The following PRKAG2 variants were observed in gnomAD, a reference collection of about 807,000 sequenced individuals.
PRKAG2 encodes the protein 5'-AMP-activated protein kinase subunit gamma-2.
PRKAG2 carries 26 observed loss-of-function variants against 69.6 expected under a neutral mutation model. That is an observed-to-expected ratio of 0.37 (90% CI 0.27 to 0.52). The LOEUF (loss-of-function observed/expected upper bound fraction) is 0.52. Among genes scored for constraint, PRKAG2 ranks in the 20% least tolerant of loss-of-function variants. The pLI is 0.90. For synonymous variants in PRKAG2, 293 were observed against 285.0 expected, an observed-to-expected ratio of 1.03 and a Z score of -0.28; for missense variants, 557 against 740.0, an observed-to-expected ratio of 0.75 and a Z score of 2.87.
At chr7:151,572,277 G>GA (rs1807753248) in intron 9 of PRKAG2, 1 of 162,054 alleles carries the variant, frequency 6.2e-6, no homozygotes, top group Admixed American at 6.3e-5. Context: ...ACAGATGCTT[G>GA]CTTTGGTTCA....
intron 3 of PRKAG2, among the ~76,000 whole-genome samples, chr7:151,696,009 G>A (rs959248064): frequency 7.9e-5 from 12 of 152,124 alleles, no homozygotes; most frequent in Non-Finnish European, 1.5e-4. Context: ...CCGAGGGGGC[G>A]GGCCTGATGC....
intron 4 of PRKAG2, among the ~76,000 whole-genome samples, chr7:151,669,303 A>T (rs1237748672): frequency 3.3e-5 from 5 of 152,096 alleles, no homozygotes; most frequent in African/African-American, 1.2e-4. Flanking sequence ...TCATCAACTC[A>T]CATTACATGG....
At chr7:151,644,675 G>T (rs1217186826) in intron 4 of PRKAG2, among the ~76,000 whole-genome samples, 1 of 152,184 alleles carries the variant, frequency 6.6e-6, no homozygotes, top group Non-Finnish European at 1.5e-5. Flanking sequence ...GTAGGAACAT[G>T]CTTTCATTTC....
rs1423158440 is a variant in PRKAG2, at chr7:151,855,056, A to AC, written c.114+21450dup. 6.8e-4 allele frequency among the ~76,000 whole-genome samples: 34 copies of AC among 49,878 alleles called. 1 individual carries two copies. The highest frequency in any genetic ancestry group is 1.3e-3 in the South Asian group (2 of 1,538). The allele number at this position is 49,878 out of a possible 152,430, so 32.7% of individuals were successfully genotyped here. A position where few individuals can be genotyped will look rare whatever the true frequency, so the allele number is the denominator to read the frequency against. ...GCTCCACACACACCGCCCTCCACAC[A>AC]CACCATCCTCCACACACACCATCCT... On this transcript the variant is annotated intron_variant, in intron 1 of 15. Coordinates refer to ENST00000287878, the MANE Select transcript of PRKAG2 (RefSeq NM_016203.4).
Position 151,814,545 on chromosome 7 carries a change from C to A in PRKAG2, c.115-28004G>T. On this transcript the variant is annotated intron_variant, in intron 1 of 15. Coordinates refer to ENST00000287878, the MANE Select transcript of PRKAG2 (RefSeq NM_016203.4). The surrounding 1 kb of genome is among the most constrained non-coding windows in gnomAD (Gnocchi z 4.8). ...CTCCCAGCTCTGACAAATCCTGCTG[C>A]CTCACTCGAAAGGTCCATCAGAGAA... is the stretch of plus-strand genomic sequence containing the variant. 8.1e-7 allele frequency: 1 copy of A among 1,231,646 alleles called. No individual in the cohort carries two copies. Among genetic ancestry groups the A allele is most frequent in the Non-Finnish European group, 1.0e-6 (1 of 987,994 alleles). 76.3% of individuals were successfully genotyped at this position (1,231,646 alleles called of 1,614,324 possible).
At chr7:151,572,299 CCTCTGATGCATTT>C in intron 9 of PRKAG2, 1 of 168,886 alleles carries the variant, frequency 5.9e-6, no homozygotes, top group Non-Finnish European at 1.3e-5. Context: ...GTTAGGCATG[CCTCTGATGCATTT>C]CTTAATACCA....
In PRKAG2 at chr7:151,703,176, A is replaced by G. The variant is rs1314620324; in HGVS notation, c.467-27539T>C. On this transcript the variant is annotated intron_variant, in intron 3 of 15. Transcript: ENST00000287878. ...AAGGCCATGATGGCTTCTCTGACTC[A>G]CTCATCAGCGCGCGCGAAGCAAAGA... is the stretch of plus-strand genomic sequence containing the variant. Among the ~76,000 whole-genome samples the G allele has an allele frequency of 5.3e-5, 8 of 151,786 alleles. No homozygotes were observed. The South Asian group carries it at 6.2e-4, about 12-fold the overall frequency.
chr7:151,670,006 GTGCACACACCTGCA>G (rs1159829967), intron 4 of PRKAG2, among the ~76,000 whole-genome samples: 1 of 80,894 alleles, frequency 1.2e-5, no homozygotes. Context: ...ATACACACCT[GTGCACACACCTGCA>G]TGCACACACA....
At chr7:151,627,107 C>G (rs1009850625) in intron 5 of PRKAG2, among the ~76,000 whole-genome samples, 1 of 152,082 alleles carries the variant, frequency 6.6e-6, no homozygotes, top group Non-Finnish European at 1.5e-5. Context: ...GTGCCGGCCC[C>G]CTGGTTTTAT....
In PRKAG2 at chr7:151,645,388, C is replaced by T. The variant is rs974043701; in HGVS notation, c.685-13250G>A. On this transcript the variant is annotated intron_variant, in intron 4 of 15. Coordinates refer to ENST00000287878, the MANE Select transcript of PRKAG2 (RefSeq NM_016203.4). Reference sequence around the variant, plus strand: ...ATGAGCTTGGAAAGGGATCCTTCCCCAGCTGAGCCTTCGGATGAGACCCTG... The same window carrying T: ...ATGAGCTTGGAAAGGGATCCTTCCCTAGCTGAGCCTTCGGATGAGACCCTG... Among the ~76,000 whole-genome samples the T allele has an allele frequency of 2.6e-5, 4 of 152,258 alleles. No individual in the cohort carries two copies. The South Asian group carries it at 6.2e-4, about 24-fold the overall frequency.
At chr7:151,680,942 G>C (rs900589279) in intron 3 of PRKAG2, among the ~76,000 whole-genome samples, 13 of 152,218 alleles carry the variant, frequency 8.5e-5, no homozygotes, top group Non-Finnish European at 1.5e-4. Context: ...TGTTGTGCAA[G>C]GGATGTTCAC....
At chr7:151,819,744 C>G (rs1005261105) in intron 1 of PRKAG2, among the ~76,000 whole-genome samples, 3 of 105,824 alleles carry the variant, frequency 2.8e-5, no homozygotes, top group African/African-American at 1.0e-4. Flanking sequence ...CTGCCTGGAG[C>G]CTTACGGGTG....
chr7:151,835,136 A>G lies in PRKAG2; in HGVS notation c.114+41371T>C, dbSNP rs974098745. Among the ~76,000 whole-genome samples the G allele has an allele frequency of 6.6e-6, 1 of 152,172 alleles. No homozygotes were observed. Among genetic ancestry groups the G allele is most frequent in the South Asian group, 2.1e-4 (1 of 4,836 alleles). On this transcript the variant is annotated intron_variant, in intron 1 of 15. Coordinates refer to ENST00000287878, the MANE Select transcript of PRKAG2 (RefSeq NM_016203.4). The surrounding 1 kb of genome is among the most constrained non-coding windows in gnomAD (Gnocchi z 4.1). Reference sequence around the variant, plus strand: ...TGTTTCCAAAAGAGGTCACATTCACAGGTACAGAGGGTTAGGATTTGGACA... The same window carrying G: ...TGTTTCCAAAAGAGGTCACATTCACGGGTACAGAGGGTTAGGATTTGGACA...
intron 3 of PRKAG2, among the ~76,000 whole-genome samples, chr7:151,760,446 C>A (rs2075346688): frequency 6.6e-6 from 1 of 152,120 alleles, no homozygotes; most frequent in Non-Finnish European, 1.5e-5. Context: ...GTTGGCCAGG[C>A]TGGTCTCGAA....
At chr7:151,619,052 T>C (rs1820860051) in intron 5 of PRKAG2, among the ~76,000 whole-genome samples, 1 of 152,104 alleles carries the variant, frequency 6.6e-6, no homozygotes, top group African/African-American at 2.4e-5. Flanking sequence ...CAAGGCAGAG[T>C]TTGCCCAATT....
At chr7:151,682,082 G>T (rs914037973) in intron 3 of PRKAG2, among the ~76,000 whole-genome samples, 2 of 152,210 alleles carry the variant, frequency 1.3e-5, no homozygotes, top group East Asian at 3.8e-4. Flanking sequence ...CAACAAAGAA[G>T]TGACTTCTAC....
intron 1 of PRKAG2, among the ~76,000 whole-genome samples, chr7:151,822,042 A>G (rs11770376): frequency 1.3e-5 from 2 of 152,132 alleles, no homozygotes; most frequent in Non-Finnish European, 2.9e-5. Flanking sequence ...CGCGTGACTC[A>G]GGTGTCAGAG....
intron 1 of PRKAG2, among the ~76,000 whole-genome samples, chr7:151,866,272 G>A (rs1280895237): frequency 6.6e-6 from 1 of 152,108 alleles, no homozygotes; most frequent in Non-Finnish European, 1.5e-5. Context: ...CTGCTCGTGG[G>A]GCATCTGGGC....
intron 3 of PRKAG2, among the ~76,000 whole-genome samples, chr7:151,740,516 A>T (rs1240025820): frequency 6.6e-6 from 1 of 152,220 alleles, no homozygotes; most frequent in African/African-American, 2.4e-5. Flanking sequence ...CAGTGATCCA[A>T]AAAGTTCAGT....
Sources: allele counts gnomAD v4.1 joint callset (sites outside exome capture counted in the v4.1 genomes callset), GRCh38; gene constraint gnomAD v4.1.1; non-coding constraint Gnocchi (gnomAD v3.1); transcripts MANE v1.5; gene names NCBI Gene and HGNC (gene_info 2026-07-23, HGNC 2026-07-21).